Variants in NTMT2 observed in about 807,000 individuals in gnomAD.
NTMT2 encodes N-terminal Xaa-Pro-Lys N-methyltransferase 2, also known as X-Pro-Lys N-terminal protein methyltransferase 1B.
In NTMT2, 21 loss-of-function variants were observed where a neutral mutation model predicts 23.4. The observed-to-expected ratio is 0.90, with a 90% CI of 0.64 to 1.29. NTMT2 has a LOEUF of 1.29. Ranked by LOEUF, NTMT2 falls within the 50% of genes most tolerant of loss-of-function variation. The probability of loss-of-function intolerance (pLI) is 0.00; values close to 1 mark genes in which losing one functional copy is unlikely to be tolerated. For missense variants in NTMT2, 336 were observed against 352.0 expected, an observed-to-expected ratio of 0.95 and a Z score of 0.36; for synonymous variants, 131 against 127.7, an observed-to-expected ratio of 1.03 and a Z score of -0.17.
At chr1:170,165,552 T>C (rs1673363508) in intron 2 of NTMT2, among the ~76,000 whole-genome samples, 1 of 152,212 alleles carries the variant, frequency 6.6e-6, no homozygotes, top group African/African-American at 2.4e-5. Flanking sequence ...GTTAGCATTG[T>C]TCACCTCAGG....
chr1:170,152,311 T>C (rs1673085199), intron 1 of NTMT2, among the ~76,000 whole-genome samples: 1 of 152,196 alleles, frequency 6.6e-6, no homozygotes, highest in African/African-American at 2.4e-5. Flanking sequence ...AATCTCATCA[T>C]GAAAAATCTG....
At position 170,160,521 on chromosome 1, in the gene NTMT2, A is replaced by G; in HGVS notation, c.158A>G (p.Lys53Arg). 6.5e-7 allele frequency: 1 copy of G among 1,527,982 alleles called. No homozygotes were observed. Among genetic ancestry groups the G allele is most frequent in the African/African-American group, 1.4e-5 (1 of 71,660 alleles). 94.7% of individuals were successfully genotyped at this position (1,527,982 alleles called of 1,614,324 possible). ...ATTAATAATGTTTCATTTGCAGTGA[A>G]ATTGTACGCTTTAACAAGCCAAGTC... Reference protein sequence around the residue: ...LYLLEKIPLVKLYALTSQVIN... With the variant: ...LYLLEKIPLVRLYALTSQVIN... Residue 53 changes from lysine to arginine, a missense_variant, in exon 2 of 4, where the codon AAA becomes AGA. Lys to Arg is a conservative substitution (Grantham distance 26). Transcript: ENST00000439373.
At chr1:170,165,144 C>T (rs1020378395) in intron 2 of NTMT2, among the ~76,000 whole-genome samples, 1 of 152,116 alleles carries the variant, frequency 6.6e-6, no homozygotes, top group Non-Finnish European at 1.5e-5. Flanking sequence ...CTTCAAGTAT[C>T]TTGTTACTGT....
At position 170,151,257 on chromosome 1, in the gene NTMT2, G is replaced by A. The variant is rs1304299939; in HGVS notation, c.154+4996G>A. ...AATTCTAGTCTTATATAATCATTGT[G>A]ATAGTTAAAAGAGACAATGTGAAGA... On this transcript the variant is annotated intron_variant, in intron 1 of 3. Coordinates refer to ENST00000439373, the MANE Select transcript of NTMT2 (RefSeq NM_001136107.2). 1.5e-4 allele frequency: 23 copies of A among 153,208 alleles called. No individual in the cohort carries two copies. In the Admixed American group the frequency reaches 1.5e-3, roughly 10 times the overall value. 9.5% of individuals were successfully genotyped at this position (153,208 alleles called of 1,614,324 possible). A position where few individuals can be genotyped will look rare whatever the true frequency, so the allele number is the denominator to read the frequency against.
chr1:170,162,244 T>C (rs1421975429), intron 2 of NTMT2, among the ~76,000 whole-genome samples: 1 of 152,182 alleles, frequency 6.6e-6, no homozygotes, highest in African/African-American at 2.4e-5. Context: ...GTCATTGGTT[T>C]GAGATTTGGT....
intron 2 of NTMT2, among the ~76,000 whole-genome samples, chr1:170,164,750 G>A (rs769487202): frequency 6.6e-6 from 1 of 152,154 alleles, no homozygotes; most frequent in Non-Finnish European, 1.5e-5. Flanking sequence ...ACTGGCTTTG[G>A]ATTCAGACCG....
intron 2 of NTMT2, 31 bp from the exon 3 acceptor site, chr1:170,166,471 G>A (rs1441611686): frequency 1.3e-6 from 2 of 1,551,624 alleles, no homozygotes; most frequent in Non-Finnish European, 1.7e-6. Context: ...ATGGGTCTCT[G>A]TACTTGAAAT....
rs936527197 is a variant in NTMT2, at chr1:170,167,702, C to T, written c.797C>T (p.Pro266Leu). 100 of 1,551,432 alleles carry T rather than the reference C, an allele frequency of 6.4e-5. No individual in the cohort carries two copies. The highest frequency in any genetic ancestry group is 2.7e-4 in the Admixed American group (14 of 50,996). The part of the protein sequence containing the change: ...VLGQEKQDGF[P>L]EQCIPVWMFA... ...GGCCAGGAGAAGCAGGATGGCTTCCCAGAGCAGTGCATCCCCGTGTGGATG... is the reference window on the plus strand; with the variant it reads ...GGCCAGGAGAAGCAGGATGGCTTCCTAGAGCAGTGCATCCCCGTGTGGATG... The change falls in exon 4 of 4, where the codon CCA (proline) becomes CTA (leucine). Residue 266 changes from proline (P) to leucine (L), a missense_variant. Pro to Leu is a moderately conservative substitution (Grantham distance 98). Coordinates refer to ENST00000439373, the MANE Select transcript of NTMT2 (RefSeq NM_001136107.2).
At chr1:170,148,142 CTTTTTTTTTTTT>C (rs371620511) in intron 1 of NTMT2, among the ~76,000 whole-genome samples, 5 of 74,568 alleles carry the variant, frequency 6.7e-5, no homozygotes, top group Admixed American at 2.3e-4. Flanking sequence ...TGAGGCACTC[CTTTTTTTTTTTT>C]TTTTTTTTTT....
intron 2 of NTMT2, among the ~76,000 whole-genome samples, chr1:170,161,275 G>T (rs1673268541): frequency 6.6e-6 from 1 of 151,258 alleles, no homozygotes; most frequent in African/African-American, 2.4e-5. Context: ...CTCCAGCCTG[G>T]GTGACAGGTG....
chr1:170,160,558 G>C lies in NTMT2; in HGVS notation c.195G>C (p.Glu65Asp). ...TAACAAGCCAAGTCATCAATGGTGA[G>C]ATGCAGTTCTATGCCAGAGCTAAAC... ...YALTSQVINGEMQFYARAKLF... is the reference protein window; with the variant it reads ...YALTSQVINGDMQFYARAKLF... Residue 65 changes from glutamate to aspartate, a missense_variant, in exon 2 of 4, where the codon GAG becomes GAC. Physicochemically the swap from Glu to Asp is conservative, Grantham distance 45 (BLOSUM62 2). Coordinates refer to ENST00000439373, the MANE Select transcript of NTMT2 (RefSeq NM_001136107.2). 1 of 1,548,638 alleles carries C rather than the reference G, an allele frequency of 6.5e-7. No individual in the cohort carries two copies. Among genetic ancestry groups the C allele is most frequent in the Non-Finnish European group, 8.7e-7 (1 of 1,146,172 alleles).
Position 170,160,670 on chromosome 1 carries a change from A to C in NTMT2, c.307A>C (p.Lys103Gln), listed in dbSNP as rs781434516. The stretch of plus-strand genomic sequence containing the variant: ...CAGCCCAGACATCCAGGCCTCTCAG[A>C]AATTTCTTAGGAAATTTGTTGGGGT... The part of the protein sequence containing the change: ...LSSPDIQASQ[K>Q]FLRKFVGGPG... Residue 103 changes from lysine (K) to glutamine (Q), a missense_variant, in exon 2 of 4, where the codon AAA (lysine) becomes CAA (glutamine). Lys to Gln is a moderately conservative substitution (Grantham distance 53). Coordinates refer to ENST00000439373, the MANE Select transcript of NTMT2 (RefSeq NM_001136107.2). The C allele has an allele frequency of 2.0e-6, 3 of 1,527,694 alleles. No individual in the cohort carries two copies. In the South Asian group the frequency reaches 3.8e-5, roughly 19 times the overall value. 94.6% of individuals were successfully genotyped at this position (1,527,694 alleles called of 1,614,324 possible).
At chr1:170,150,315 A>G (rs528014864) in intron 1 of NTMT2, among the ~76,000 whole-genome samples, 45 of 152,372 alleles carry the variant, frequency 3.0e-4, no homozygotes, top group African/African-American at 7.9e-4. Flanking sequence ...AAAATCTCCA[A>G]TGGAAGACTC....
At chr1:170,152,940 G>C (rs1673098965) in intron 1 of NTMT2, among the ~76,000 whole-genome samples, 1 of 152,024 alleles carries the variant, frequency 6.6e-6, no homozygotes, top group African/African-American at 2.4e-5. Flanking sequence ...GAGGTGTTTG[G>C]GTCATGAAGA....
chr1:170,158,130 T>C (rs1055006913), intron 1 of NTMT2: 1 of 152,126 alleles, frequency 6.6e-6, no homozygotes, highest in South Asian at 2.1e-4. Flanking sequence ...AAATATTCTA[T>C]AATAATTTGA....
At position 170,160,713 on chromosome 1, in the gene NTMT2, C is replaced by A; in HGVS notation, c.330+20C>A. 1 of 1,505,844 alleles carries A rather than the reference C, an allele frequency of 6.6e-7. No homozygotes were observed. Among genetic ancestry groups the A allele is most frequent in the Non-Finnish European group, 8.9e-7 (1 of 1,127,696 alleles). The allele number at this position is 1,505,844 out of a possible 1,614,324, so 93.3% of individuals were successfully genotyped here. ...GTTGGGGTGAGTTATTCAACTGCAGCTTGATGAGAAGGCAAAGTCCTTGCA... is the reference window on the plus strand; with the variant it reads ...GTTGGGGTGAGTTATTCAACTGCAGATTGATGAGAAGGCAAAGTCCTTGCA... On this transcript the variant is annotated intron_variant, in intron 2 of 3. Transcript: ENST00000439373.
At chr1:170,154,865 A>G (rs1571820282) in intron 1 of NTMT2, among the ~76,000 whole-genome samples, 1 of 152,294 alleles carries the variant, frequency 6.6e-6, no homozygotes, top group East Asian at 1.9e-4. Flanking sequence ...TCCAAATCTC[A>G]TGTTAAAATA....
Position 170,167,454 on chromosome 1 carries a change from C to T in NTMT2, c.581-32C>T, listed in dbSNP as rs535690075. On this transcript the variant is annotated intron_variant, in intron 3 of 3. Coordinates refer to ENST00000439373, the MANE Select transcript of NTMT2 (RefSeq NM_001136107.2). ...CTTCCATCCTCCCCACCATTTCTTC[C>T]TGTTCCCCCATCCACTTGGTCTCCC... The T allele has an allele frequency of 4.4e-4, 663 of 1,513,270 alleles. 1 individual carries two copies. Among genetic ancestry groups the T allele is most frequent in the Non-Finnish European group, 5.6e-4 (635 of 1,125,766 alleles). 93.7% of individuals were successfully genotyped at this position (1,513,270 alleles called of 1,614,324 possible). A position where few individuals can be genotyped will look rare whatever the true frequency, so the allele number is the denominator to read the frequency against.
At chr1:170,166,044 C>T (rs1452307744) in intron 2 of NTMT2, among the ~76,000 whole-genome samples, 1 of 149,650 alleles carries the variant, frequency 6.7e-6, no homozygotes. Flanking sequence ...AAATTGTACA[C>T]AAGAAATGGT....
Sources: gnomAD v4.1 joint callset for allele counts (sites outside exome capture counted in the v4.1 genomes callset) on GRCh38, gnomAD v4.1.1 for gene constraint, MANE v1.5 for transcripts, NCBI Gene and HGNC (gene_info 2026-07-23, HGNC 2026-07-21) for gene names.